The following SPECC1L variants were observed in gnomAD, a reference collection of about 807,000 sequenced individuals.
SPECC1L encodes cytospin-A.
In SPECC1L, 40 loss-of-function variants were observed where a neutral mutation model predicts 116.8. The ratio of observed to expected loss-of-function variants is 0.34; its 90% confidence interval spans 0.27 to 0.45. The LOEUF (loss-of-function observed/expected upper bound fraction) is 0.45, where lower values mean the gene tolerates loss of function less well. SPECC1L is among the 20% of genes least tolerant of loss of function. The pLI is 1.00. For missense variants in SPECC1L, 1,110 were observed against 1,373.6 expected (o/e 0.81, Z 3.03); for synonymous variants, 504 against 500.6 (o/e 1.01, Z -0.09).
intron 14 of SPECC1L, among the ~76,000 whole-genome samples, chr22:24,411,154 A>G (rs967426814): frequency 6.6e-6 from 1 of 152,060 alleles, no homozygotes; most frequent in African/African-American, 2.4e-5. Flanking sequence ...ATGCCACTGC[A>G]CTCCAACCTG....
chr22:24,315,852 T>C (rs1295798404), intron 4 of SPECC1L, among the ~76,000 whole-genome samples: 1 of 152,240 alleles, frequency 6.6e-6, no homozygotes, highest in Non-Finnish European at 1.5e-5. Context: ...GAGATCTCTT[T>C]TTTGTCTTGC....
intron 11 of SPECC1L, among the ~76,000 whole-genome samples, chr22:24,351,812 A>G (rs946047068): frequency 6.6e-6 from 1 of 152,180 alleles, no homozygotes; most frequent in Admixed American, 6.5e-5. Context: ...TTACTTAGGG[A>G]TGAATTTAAA....
chr22:24,351,935 G>A (rs1164779669), intron 11 of SPECC1L, among the ~76,000 whole-genome samples: 1 of 151,772 alleles, frequency 6.6e-6, no homozygotes, highest in East Asian at 1.9e-4. Flanking sequence ...CTTTCAGTGA[G>A]CCGAGATTGC....
intron 14 of SPECC1L, among the ~76,000 whole-genome samples, chr22:24,371,733 C>T (rs117359126): frequency 0.017 from 2,523 of 151,820 alleles, 39 homozygotes; most frequent in Non-Finnish European, 0.025. Context: ...ATTGATTGAT[C>T]GATTGAGAGA....
intron 2 of SPECC1L, among the ~76,000 whole-genome samples, chr22:24,293,280 C>CCGT (rs1363239043): frequency 6.6e-6 from 1 of 152,066 alleles, no homozygotes; most frequent in African/African-American, 2.4e-5. Context: ...ATAGTTAAAC[C>CCGT]CGTCTCTACT....
chr22:24,389,106 CTGAT>C (rs2042216987), intron 14 of SPECC1L, among the ~76,000 whole-genome samples: 3 of 139,032 alleles, frequency 2.2e-5, no homozygotes, highest in Middle Eastern at 3.3e-3. Flanking sequence ...CTTTCTATAA[CTGAT>C]TTTTTTTTTT....
intron 2 of SPECC1L, among the ~76,000 whole-genome samples, chr22:24,291,914 T>G (rs1018138154): frequency 7.9e-5 from 12 of 152,164 alleles, no homozygotes; most frequent in Non-Finnish European, 1.6e-4. Context: ...CACAGAGAAT[T>G]ATTAATTAAA....
chr22:24,408,367 A>G (rs1303114410), intron 14 of SPECC1L, among the ~76,000 whole-genome samples: 1 of 152,230 alleles, frequency 6.6e-6, no homozygotes, highest in Non-Finnish European at 1.5e-5. Context: ...AGAGAGCCGC[A>G]TGGAGGGCGG....
chr22:24,382,269 C>T (rs1295050601), intron 14 of SPECC1L, among the ~76,000 whole-genome samples: 2 of 152,234 alleles, frequency 1.3e-5, no homozygotes, highest in Middle Eastern at 3.4e-3. Context: ...GTGGCTAACT[C>T]TTCACATGGG....
chr22:24,349,337 C>T (rs2330782), intron 11 of SPECC1L, among the ~76,000 whole-genome samples: 61,242 of 152,138 alleles, frequency 0.4, 13,528 homozygotes, highest in Admixed American at 0.53. Flanking sequence ...CCACCGCACC[C>T]GGCCTGGCTT....
intron 11 of SPECC1L, among the ~76,000 whole-genome samples, chr22:24,349,983 G>C (rs993458381): frequency 6.6e-6 from 1 of 152,118 alleles, no homozygotes; most frequent in African/African-American, 2.4e-5. Context: ...GGGGCCTCCA[G>C]ACCCTCGCAG....
chr22:24,313,589 G>T (rs2040501755), intron 4 of SPECC1L, 123 bp downstream of exon 4: 1 of 1,155,228 alleles, frequency 8.7e-7, no homozygotes, highest in Middle Eastern at 2.8e-4. Context: ...TAGATGGATT[G>T]ATATTTCAGC....
intron 2 of SPECC1L, among the ~76,000 whole-genome samples, chr22:24,284,774 A>G (rs898883585): frequency 1.3e-5 from 2 of 152,196 alleles, no homozygotes; most frequent in Non-Finnish European, 1.5e-5. Context: ...CAATACTATT[A>G]TCCCATCTTT....
chr22:24,318,694 C>T (rs1406359313), intron 4 of SPECC1L, among the ~76,000 whole-genome samples: 1 of 152,116 alleles, frequency 6.6e-6, no homozygotes, highest in Middle Eastern at 3.2e-3. Context: ...CCAAGGTGGG[C>T]AGATCACTTG....
rs1157051917 is a variant in SPECC1L, at chr22:24,417,378, T to C, written c.*2755T>C. 2 of 152,388 alleles carry C rather than the reference T, an allele frequency of 1.3e-5. No homozygotes were observed. The highest frequency in any genetic ancestry group is 3.8e-4 in the East Asian group (2 of 5,196). 9.4% of individuals were successfully genotyped at this position (152,388 alleles called of 1,614,324 possible). ...GCACCTCTGAGCCAGCCTGTGGCCC[T>C]ACCCCAAGGCGCACTTCCTCATGTG... On this transcript the variant is annotated 3_prime_UTR_variant, in exon 17 of 17. Transcript: ENST00000314328.
intron 12 of SPECC1L, among the ~76,000 whole-genome samples, chr22:24,364,676 A>AC (rs2041716769): frequency 6.6e-6 from 1 of 151,846 alleles, no homozygotes; most frequent in Non-Finnish European, 1.5e-5. Flanking sequence ...AAAAAAAAAA[A>AC]AAAAGTGCCC....
chr22:24,368,403 A>C (rs1476185773), intron 13 of SPECC1L, among the ~76,000 whole-genome samples: 1 of 152,220 alleles, frequency 6.6e-6, no homozygotes, highest in Non-Finnish European at 1.5e-5. Context: ...GCAAAATTCT[A>C]ACTGCCTAAA....
At chr22:24,343,418 CTG>C (rs1569427991) in intron 10 of SPECC1L, 5 of 433,092 alleles carry the variant, frequency 1.2e-5, no homozygotes, top group Admixed American at 2.6e-5. Context: ...TAGTTAGAAA[CTG>C]TGCAAGTCAG....
intron 14 of SPECC1L, among the ~76,000 whole-genome samples, chr22:24,390,874 T>TTTTTTTTTTTTTTTTTTTTTTTTTTTTTC (rs2042255968): frequency 1.6e-5 from 1 of 63,968 alleles, no homozygotes; most frequent in Non-Finnish European, 3.3e-5. Context: ...TTTCTTTTCT[T>TTTTTTTTTTTTTTTTTTTTTTTTTTTTTC]TTTTTTTTTT....
Sources: allele counts gnomAD v4.1 joint callset (sites outside exome capture counted in the v4.1 genomes callset), GRCh38; gene constraint gnomAD v4.1.1; transcripts MANE v1.5; gene names NCBI Gene and HGNC (gene_info 2026-07-23, HGNC 2026-07-21).